SYT16: variants seen among roughly 807,000 people sequenced by gnomAD.
The protein encoded by SYT16 is synaptotagmin-16.
A neutral mutation model predicts 61.4 loss-of-function variants in SYT16; 42 were observed. That is an observed-to-expected ratio of 0.68 (90% CI 0.53 to 0.89). The LOEUF is 0.89. SYT16 is among the 40% of genes least tolerant of loss of function. SYT16 has a pLI of 0.00. For missense variants in SYT16, 804 were observed against 807.3 expected (o/e 1.00, Z 0.05); for synonymous variants, 314 against 302.3 (o/e 1.04, Z -0.40).
intron 1 of SYT16, among the ~76,000 whole-genome samples, chr14:61,858,737 G>T (rs987290678): frequency 6.6e-6 from 1 of 152,204 alleles, no homozygotes; most frequent in Non-Finnish European, 1.5e-5. Flanking sequence ...AATAGAGTAG[G>T]CACTGATACA....
rs1473392603 is a variant in SYT16, at chr14:62,064,648, T to C, written c.524-4955T>C. On this transcript the variant is annotated intron_variant, in intron 3 of 7. Transcript: ENST00000683842. Reference sequence around the variant, plus strand: ...ATGGTAGAGGGAGCGTAATGGACTATTAATAACATGGACTTCGGAGCAAGA... The same window carrying C: ...ATGGTAGAGGGAGCGTAATGGACTACTAATAACATGGACTTCGGAGCAAGA... Among the ~76,000 whole-genome samples the C allele has an allele frequency of 3.3e-5, 5 of 152,216 alleles. No homozygotes were observed. In the South Asian group the frequency reaches 1.0e-3, roughly 32 times the overall value.
At chr14:61,884,434 T>G (rs1465520905) in intron 1 of SYT16, among the ~76,000 whole-genome samples, 2 of 152,226 alleles carry the variant, frequency 1.3e-5, no homozygotes, top group African/African-American at 4.8e-5. Flanking sequence ...AGGAAGTACC[T>G]TCTGTATTAC....
chr14:61,868,040 T>C (rs915890176), intron 1 of SYT16, among the ~76,000 whole-genome samples: 1 of 152,024 alleles, frequency 6.6e-6, no homozygotes, highest in Admixed American at 6.5e-5. Flanking sequence ...CTCTTTTAGG[T>C]TGGGTTTCTT....
intron 1 of SYT16, among the ~76,000 whole-genome samples, chr14:61,885,305 GTAGA>G (rs1381158087): frequency 1.3e-5 from 2 of 152,076 alleles, no homozygotes; most frequent in Non-Finnish European, 2.9e-5. Context: ...GGGAGAGAGG[GTAGA>G]TAATTACCTC....
intron 1 of SYT16, among the ~76,000 whole-genome samples, chr14:61,953,049 C>T (rs79586617): frequency 0.042 from 6,439 of 152,212 alleles, 168 homozygotes; most frequent in African/African-American, 0.074. Context: ...AGACTTTGTT[C>T]TTCTCTTCTT....
intron 3 of SYT16, among the ~76,000 whole-genome samples, chr14:62,047,317 T>C (rs2140874083): frequency 6.6e-6 from 1 of 152,356 alleles, no homozygotes; most frequent in African/African-American, 2.4e-5. Context: ...TTTTTGCACA[T>C]TGATTTTGTA....
intron 3 of SYT16, among the ~76,000 whole-genome samples, chr14:62,043,493 C>T (rs1264207753): frequency 3.3e-5 from 5 of 150,762 alleles, no homozygotes; most frequent in African/African-American, 7.3e-5. Context: ...CTGCAAACTC[C>T]GCCTCCCTGG....
intron 2 of SYT16, among the ~76,000 whole-genome samples, chr14:61,989,948 A>G (rs1361336309): frequency 6.6e-6 from 1 of 152,182 alleles, no homozygotes; most frequent in South Asian, 2.1e-4. Flanking sequence ...GCTGTACTGT[A>G]TCCGTATTTT....
Position 62,104,417 on chromosome 14 carries a change from A to T in SYT16, c.*3710A>T, listed in dbSNP as rs1458838781. 1 of 152,176 alleles carries T rather than the reference A, an allele frequency of 6.6e-6. No individual in the cohort carries two copies. Among genetic ancestry groups the T allele is most frequent in the Non-Finnish European group, 1.5e-5 (1 of 68,018 alleles). 9.4% of individuals were successfully genotyped at this position (152,176 alleles called of 1,614,324 possible). A position where few individuals can be genotyped will look rare whatever the true frequency, so the allele number is the denominator to read the frequency against. On this transcript the variant is annotated 3_prime_UTR_variant, in exon 8 of 8. Coordinates refer to ENST00000683842, the MANE Select transcript of SYT16 (RefSeq NM_001367656.1). The stretch of plus-strand genomic sequence containing the variant: ...CAAAGCAAATGATGGATAATCCTGA[A>T]ATGGTAAAAGTATTTTTGTCTTAAA...
chr14:61,859,015 CGGCTAATTTTTTTTTTTGTATTTT>C (rs2046875349), intron 1 of SYT16, among the ~76,000 whole-genome samples: 1 of 143,842 alleles, frequency 7.0e-6, no homozygotes, highest in Non-Finnish European at 1.5e-5. Context: ...CCACTACGCC[CGGCTAATTTTTTTTTTTGTATTTT>C]TAGTAGAGAC....
intron 3 of SYT16, among the ~76,000 whole-genome samples, chr14:62,053,364 C>T (rs548365833): frequency 6.6e-5 from 10 of 152,244 alleles, no homozygotes; most frequent in African/African-American, 1.7e-4. Flanking sequence ...GGACTCTGAC[C>T]GGAACTTACG....
At chr14:62,085,517 C>T (rs1390703453) in intron 7 of SYT16, among the ~76,000 whole-genome samples, 1 of 152,128 alleles carries the variant, frequency 6.6e-6, no homozygotes, top group Non-Finnish European at 1.5e-5. Context: ...TCAGTGGGCT[C>T]AGGCCTCAGG....
chr14:62,071,700 G>A (rs1250291672), intron 4 of SYT16, among the ~76,000 whole-genome samples: 1 of 152,224 alleles, frequency 6.6e-6, no homozygotes, highest in East Asian at 1.9e-4. Context: ...CTCCAGAGAG[G>A]AATTTTTTGG....
intron 1 of SYT16, among the ~76,000 whole-genome samples, chr14:61,850,517 G>A (rs2140270239): frequency 6.6e-6 from 1 of 152,228 alleles, no homozygotes. Context: ...TTTAAGAAGT[G>A]TACATATCAT....
At chr14:61,912,022 C>T (rs150625093) in intron 1 of SYT16, among the ~76,000 whole-genome samples, 165 of 152,208 alleles carry the variant, frequency 1.1e-3, no homozygotes, top group African/African-American at 3.7e-3. Context: ...ACAAGACAGG[C>T]TGGCAAAAAT....
intron 1 of SYT16, among the ~76,000 whole-genome samples, chr14:61,854,748 G>T (rs995359135): frequency 2.0e-5 from 3 of 152,136 alleles, no homozygotes; most frequent in Admixed American, 6.5e-5. Context: ...TCTATCTTGT[G>T]TATATATGTG....
intron 3 of SYT16, among the ~76,000 whole-genome samples, chr14:62,049,222 A>C (rs906896116): frequency 6.6e-6 from 1 of 152,138 alleles, no homozygotes; most frequent in Non-Finnish European, 1.5e-5. Context: ...TCCCTTTACC[A>C]TTATGTAATG....
At chr14:61,939,694 C>T (rs1389241809) in intron 1 of SYT16, among the ~76,000 whole-genome samples, 3 of 152,074 alleles carry the variant, frequency 2.0e-5, no homozygotes, top group Non-Finnish European at 2.9e-5. Flanking sequence ...ATACAGTGAC[C>T]TTCTGAGGTA....
Position 62,102,931 on chromosome 14 carries a change from A to G in SYT16, c.*2224A>G, listed in dbSNP as rs1162743158. On this transcript the variant is annotated 3_prime_UTR_variant, in exon 8 of 8. Transcript: ENST00000683842. ...CCTTCCAATGGTCTGTTTATGATAC[A>G]GTTTACAGGAATGCGCACCATTTTA... The G allele has an allele frequency of 6.6e-6, 1 of 152,170 alleles. No individual in the cohort carries two copies. The allele number at this position is 152,170 out of a possible 1,614,324, so 9.4% of individuals were successfully genotyped here. A position where few individuals can be genotyped will look rare whatever the true frequency, so the allele number is the denominator to read the frequency against.
Sources: gnomAD v4.1 joint callset for allele counts (sites outside exome capture counted in the v4.1 genomes callset) on GRCh38, gnomAD v4.1.1 for gene constraint, MANE v1.5 for transcripts, NCBI Gene and HGNC (gene_info 2026-07-23, HGNC 2026-07-21) for gene names.